Variants in CFAP97 observed in about 807,000 individuals in gnomAD.
The protein encoded by CFAP97 is cilia and flagella associated protein 97.
In CFAP97, 36 loss-of-function variants were observed where a neutral mutation model predicts 43.1. The ratio of observed to expected loss-of-function variants is 0.84; its 90% CI spans 0.64 to 1.10. CFAP97 has a LOEUF of 1.10. Among genes scored for constraint, CFAP97 ranks in the 50% least tolerant of loss-of-function variants. The pLI is 0.00. For synonymous variants in CFAP97, 228 were observed against 225.7 expected (o/e 1.01, Z -0.09); for missense variants, 657 against 620.3 (o/e 1.06, Z -0.63).
At chr4:185,178,840 G>C (rs1315935796) in intron 2 of CFAP97, among the ~76,000 whole-genome samples, 1 of 152,090 alleles carries the variant, frequency 6.6e-6, no homozygotes, top group Non-Finnish European at 1.5e-5. Flanking sequence ...GGGATGAAAT[G>C]GCAAAATGTC....
chr4:185,168,346 C>T (rs1735151115), intron 3 of CFAP97, among the ~76,000 whole-genome samples: 1 of 151,844 alleles, frequency 6.6e-6, no homozygotes, highest in Admixed American at 6.6e-5. Flanking sequence ...GTGGCTCACA[C>T]CTGCGATCCC....
At chr4:185,202,485 C>T (rs112531756) in intron 1 of CFAP97, among the ~76,000 whole-genome samples, 1,874 of 151,706 alleles carry the variant, frequency 0.012, 28 homozygotes, top group Middle Eastern at 0.027. Flanking sequence ...GGAGCTGAGG[C>T]TGCAGTGAGC....
At chr4:185,178,353 T>C (rs529971503) in intron 2 of CFAP97, among the ~76,000 whole-genome samples, 4 of 150,474 alleles carry the variant, frequency 2.7e-5, no homozygotes, top group East Asian at 2.0e-4. Flanking sequence ...GTTCAAGCGA[T>C]TGTCCTGCCT....
intron 3 of CFAP97, chr4:185,169,840 T>C: frequency 1.0e-6 from 1 of 985,534 alleles, no homozygotes; most frequent in South Asian, 4.7e-5. Flanking sequence ...GAGTTATCAT[T>C]AGCTTGCTTT....
intron 2 of CFAP97, among the ~76,000 whole-genome samples, chr4:185,186,740 C>A (rs1275174190): frequency 6.6e-6 from 1 of 152,028 alleles, no homozygotes; most frequent in Admixed American, 6.6e-5. Context: ...GAGTTTATTA[C>A]TACTATTAAA....
chr4:185,209,949 G>T, upstream of CFAP97: 1 of 983,710 alleles, frequency 1.0e-6, no homozygotes, highest in Non-Finnish European at 1.2e-6. This position sits in a 1 kb window ranked among gnomAD's most constrained non-coding sequence, Gnocchi z 5.2. Context: ...CGGGGGACGC[G>T]GAGGCAGCAG....
rs1407746191 is a variant in CFAP97, at chr4:185,160,840, T to TTA, written c.*1956_*1957dup. 8.8e-4 allele frequency: 130 copies of TTA among 147,002 alleles called. No individual in the cohort carries two copies. Among genetic ancestry groups the TTA allele is most frequent in the Middle Eastern group, 3.6e-3 (1 of 278 alleles). The allele number at this position is 147,002 out of a possible 1,614,324, so 9.1% of individuals were successfully genotyped here. On this transcript the variant is annotated 3_prime_UTR_variant, in exon 5 of 5. Transcript: ENST00000458385. The stretch of plus-strand genomic sequence containing the variant: ...AAGACTATATATAAATATATAATCT[T>TTA]TATATATATATAAAAATCTTTTTTA...
chr4:185,163,916 C>A, intron 4 of CFAP97, 113 bp downstream of exon 4: 2 of 910,510 alleles, frequency 2.2e-6, no homozygotes, highest in Non-Finnish European at 1.7e-6. Context: ...TGGGAAATAA[C>A]AGAACGCATT....
intron 2 of CFAP97, among the ~76,000 whole-genome samples, chr4:185,178,622 T>TTAC (rs2111352001): frequency 6.6e-6 from 1 of 152,254 alleles, no homozygotes; most frequent in East Asian, 1.9e-4. Context: ...TTTATATTAG[T>TTAC]TACTACTGCT....
chr4:185,169,717 T>G, intron 3 of CFAP97: 1 of 985,416 alleles, frequency 1.0e-6, no homozygotes, highest in African/African-American at 1.7e-5. Flanking sequence ...GCTTTAGTGT[T>G]TCTAGAGCGA....
chr4:185,189,716 C>A (rs1326017841), intron 2 of CFAP97, among the ~76,000 whole-genome samples: 1 of 152,142 alleles, frequency 6.6e-6, no homozygotes, highest in Non-Finnish European at 1.5e-5. Context: ...ACTCTGAGTT[C>A]TCTCATTTGC....
At chr4:185,184,437 T>C (rs889045020) in intron 2 of CFAP97, among the ~76,000 whole-genome samples, 5 of 152,204 alleles carry the variant, frequency 3.3e-5, no homozygotes, top group African/African-American at 9.7e-5. Context: ...TATGTGGATG[T>C]TGACTGGGCC....
In CFAP97 at chr4:185,190,323, A is replaced by G. The variant is rs369970726; in HGVS notation, c.874T>C (p.Tyr292His). ...KKQENVSQEIYEDVEDLKNNS... is the reference protein window; with the variant it reads ...KKQENVSQEIHEDVEDLKNNS... ...TTTTTCAAATCCTCAACATCTTCAT[A>G]TATTTCTTGGCTCACATTTTCTTGC... Residue 292 changes from tyrosine to histidine, a missense_variant, in exon 2 of 5, where the codon TAT (tyrosine) becomes CAT (histidine). Physicochemically the swap from Tyr to His is moderately conservative, Grantham distance 83 (BLOSUM62 2). Transcript: ENST00000458385. 6.0e-5 allele frequency: 96 copies of G among 1,604,582 alleles called. No individual in the cohort carries two copies. Among genetic ancestry groups the G allele is most frequent in the Non-Finnish European group, 1.4e-5 (17 of 1,174,580 alleles).
chr4:185,199,112 C>T (rs1736698644), intron 1 of CFAP97, among the ~76,000 whole-genome samples: 1 of 152,136 alleles, frequency 6.6e-6, no homozygotes, highest in South Asian at 2.1e-4. Flanking sequence ...GTGGCTCCCA[C>T]CTGTAATTCC....
upstream of CFAP97, chr4:185,209,538 C>T: frequency 5.5e-6 from 1 of 180,900 alleles, no homozygotes; most frequent in Non-Finnish European, 1.1e-5. This position sits in a 1 kb window ranked among gnomAD's most constrained non-coding sequence, Gnocchi z 5.2. Flanking sequence ...GGCTCCGGGC[C>T]CCGCCCGACA....
chr4:185,209,684 G>T (rs1160189032), upstream of CFAP97: 9 of 961,138 alleles, frequency 9.4e-6, no homozygotes, highest in Non-Finnish European at 1.1e-5. This position sits in a 1 kb window ranked among gnomAD's most constrained non-coding sequence, Gnocchi z 5.2. Context: ...GGGTCGCCGA[G>T]AGGGGCCCGG....
At chr4:185,189,934 A>T (rs1446716145) in intron 2 of CFAP97, among the ~76,000 whole-genome samples, 3 of 152,260 alleles carry the variant, frequency 2.0e-5, no homozygotes, top group Non-Finnish European at 1.5e-5. Flanking sequence ...AATTTGTATT[A>T]TACAAACACA....
chr4:185,170,237 T>C (rs1735240461), intron 3 of CFAP97: 5 of 642,758 alleles, frequency 7.8e-6, no homozygotes, highest in Non-Finnish European at 1.4e-5. Context: ...TTCCAGTTAC[T>C]TGGGAGGCCG....
chr4:185,207,613 C>G (rs1156285816), upstream of CFAP97: 1 of 152,010 alleles, frequency 6.6e-6, no homozygotes, highest in Non-Finnish European at 1.5e-5. Flanking sequence ...TCAGAGAATT[C>G]TTAGGAAGCA....
Sources: gnomAD v4.1 joint callset for allele counts (sites outside exome capture counted in the v4.1 genomes callset) on GRCh38, gnomAD v4.1.1 for gene constraint, Gnocchi (gnomAD v3.1) non-coding constraint, MANE v1.5 for transcripts, NCBI Gene and HGNC (gene_info 2026-07-23, HGNC 2026-07-21) for gene names.